Variants in STIM1 observed in about 807,000 individuals in gnomAD.
The protein encoded by STIM1 is stromal interaction molecule 1.
In STIM1, 25 loss-of-function variants were observed where a neutral mutation model predicts 74.7. That is an observed-to-expected ratio of 0.33 (90% CI 0.24 to 0.47). The LOEUF is 0.47. Ranked by LOEUF, STIM1 falls within the 20% of genes least tolerant of loss-of-function variation. The pLI is 1.00. For synonymous variants in STIM1, 328 were observed against 348.8 expected (o/e 0.94, Z 0.66); for missense variants, 728 against 920.8 (o/e 0.79, Z 2.71).
At chr11:3,913,301 C>T (rs2092594639) in intron 1 of STIM1, among the ~76,000 whole-genome samples, 2 of 151,994 alleles carry the variant, frequency 1.3e-5, no homozygotes, top group Non-Finnish European at 2.9e-5. Flanking sequence ...GATCCTCCTA[C>T]CTCAGCCTCC....
chr11:3,866,225 T>A (rs1449978603), intron 1 of STIM1, among the ~76,000 whole-genome samples: 1 of 152,190 alleles, frequency 6.6e-6, no homozygotes, highest in Non-Finnish European at 1.5e-5. Flanking sequence ...TGTTTTTACT[T>A]ATGTCATTTA....
At position 4,059,328 on chromosome 11, in the gene STIM1, C is replaced by T. The variant is rs750619379; in HGVS notation, c.545C>T (p.Thr182Ile). ...ATGACAGGGACTGTGCTGAAGATGA[C>T]AGACCGGAGTCATCGGCAGAAGCTG... is the stretch of plus-strand genomic sequence containing the variant. ...TTMTGTVLKM[T>I]DRSHRQKLQL... The change falls in exon 5 of 13, where the codon ACA (threonine) becomes ATA (isoleucine). Residue 182 changes from threonine to isoleucine, a missense_variant. Thr to Ile is a moderately conservative substitution (Grantham distance 89). Around this residue, in one of 5 missense-constraint regions of STIM1, gnomAD observed 132 missense variants for 158.2 expected, o/e 0.83. Transcript: ENST00000526596. 2.5e-6 allele frequency: 4 copies of T among 1,614,120 alleles called. No homozygotes were observed. The highest frequency in any genetic ancestry group is 1.3e-5 in the African/African-American group (1 of 75,028).
At chr11:3,983,261 T>G (rs1026646701) in intron 2 of STIM1, among the ~76,000 whole-genome samples, 6 of 152,128 alleles carry the variant, frequency 3.9e-5, no homozygotes, top group African/African-American at 1.4e-4. Flanking sequence ...TGCCTCCAAC[T>G]TTGATAGAGA....
At chr11:3,870,715 C>T (rs1431070809) in intron 1 of STIM1, among the ~76,000 whole-genome samples, 1 of 152,010 alleles carries the variant, frequency 6.6e-6, no homozygotes, top group Non-Finnish European at 1.5e-5. Flanking sequence ...CCAGGCTGGT[C>T]TGGAACTCCT....
rs1196072627 is a variant in STIM1 at position 3,855,824 on chromosome 11, C to T, written c.-447C>T. 1 of 203,064 alleles carries T rather than the reference C, an allele frequency of 4.9e-6. No homozygotes were observed. The highest frequency in any genetic ancestry group is 1.0e-5 in the Non-Finnish European group (1 of 96,654). 12.6% of individuals were successfully genotyped at this position (203,064 alleles called of 1,614,324 possible). On this transcript the variant is annotated 5_prime_UTR_variant, in exon 1 of 13. Transcript: ENST00000526596. ...CAGGACCCTGCGGGTCGCACGCCCT[C>T]CCCAGCTTCTGCTGCTCGCCGCTCT... is the stretch of plus-strand genomic sequence containing the variant.
chr11:4,061,943 G>C (rs749984424), intron 5 of STIM1, among the ~76,000 whole-genome samples: 5 of 152,166 alleles, frequency 3.3e-5, no homozygotes, highest in Non-Finnish European at 7.3e-5. Flanking sequence ...TAAATCCACA[G>C]AGACAGAATG....
chr11:3,893,680 G>A (rs965243223), intron 1 of STIM1, among the ~76,000 whole-genome samples: 10 of 148,572 alleles, frequency 6.7e-5, no homozygotes, highest in African/African-American at 7.4e-5. Flanking sequence ...ACAGAGTCTC[G>A]CTCTGTAGCC....
At chr11:4,086,205 C>T (rs1043454186) in intron 11 of STIM1, 10 of 523,218 alleles carry the variant, frequency 1.9e-5, no homozygotes, top group African/African-American at 1.9e-4. Flanking sequence ...TGTCTACCCA[C>T]TAACTGCCTT....
At chr11:4,065,508 T>A (rs1196911459) in intron 5 of STIM1, among the ~76,000 whole-genome samples, 1 of 151,960 alleles carries the variant, frequency 6.6e-6, no homozygotes, top group African/African-American at 2.4e-5. Context: ...TCTCTCTGCC[T>A]TTTATCCTTT....
intron 1 of STIM1, among the ~76,000 whole-genome samples, chr11:3,951,557 G>A (rs1370376993): frequency 6.6e-6 from 1 of 152,138 alleles, no homozygotes; most frequent in Non-Finnish European, 1.5e-5. Flanking sequence ...TGGTGTGCCT[G>A]GTTCCTCAGT....
At chr11:4,023,083 C>A (rs1006375745) in intron 2 of STIM1, among the ~76,000 whole-genome samples, 1 of 152,190 alleles carries the variant, frequency 6.6e-6, no homozygotes, top group Non-Finnish European at 1.5e-5. Context: ...GTAATCCTAG[C>A]ACTTTCGGAG....
chr11:3,887,969 CAA>C lies in STIM1; in HGVS notation c.139+31577_139+31578del, dbSNP rs71047183. The C allele has an allele frequency of 4.7e-3, 491 of 104,884 alleles. 5 individuals carry two copies. Among genetic ancestry groups the C allele is most frequent in the African/African-American group, 0.013 (413 of 30,820 alleles). 6.5% of individuals were successfully genotyped at this position (104,884 alleles called of 1,614,324 possible). On this transcript the variant is annotated intron_variant, in intron 1 of 12. Transcript: ENST00000526596. ...TGGGTGACAGAGTGAGACTCTGTCT[CAA>C]AAAAAAAAAAAAAAAATAGGACATC...
upstream of STIM1, chr11:3,855,053 G>A (rs950708644): frequency 6.6e-6 from 1 of 152,286 alleles, no homozygotes; most frequent in Non-Finnish European, 1.5e-5. Context: ...TTTCCCACCA[G>A]GGGCCGCTGC....
intron 2 of STIM1, among the ~76,000 whole-genome samples, chr11:4,011,552 A>G (rs1420489962): frequency 1.3e-5 from 2 of 151,924 alleles, no homozygotes; most frequent in Non-Finnish European, 2.9e-5. Context: ...CATATTCTTC[A>G]CCTACTTTTT....
chr11:3,973,073 T>A (rs927757747), intron 2 of STIM1: 1 of 442,854 alleles, frequency 2.3e-6, no homozygotes, highest in Non-Finnish European at 4.5e-6. Flanking sequence ...CTGCCCTGAT[T>A]TCCATAATCC....
chr11:4,005,414 G>A (rs2093768095), intron 2 of STIM1, among the ~76,000 whole-genome samples: 1 of 152,006 alleles, frequency 6.6e-6, no homozygotes, highest in South Asian at 2.1e-4. Context: ...TAAAAGATGA[G>A]TTCATCTCCT....
chr11:3,896,065 C>T (rs1248597909), intron 1 of STIM1, among the ~76,000 whole-genome samples: 2 of 151,724 alleles, frequency 1.3e-5, no homozygotes, highest in Non-Finnish European at 2.9e-5. Flanking sequence ...CCACCACACC[C>T]GGCTAATTTT....
chr11:3,942,835 G>T (rs2093027457), intron 1 of STIM1, among the ~76,000 whole-genome samples: 4 of 152,118 alleles, frequency 2.6e-5, no homozygotes, highest in African/African-American at 9.7e-5. Flanking sequence ...TGTGTTCCTG[G>T]TTGCTTTGGG....
intron 2 of STIM1, among the ~76,000 whole-genome samples, chr11:4,003,334 C>T (rs1375301632): frequency 1.3e-5 from 2 of 151,738 alleles, no homozygotes; most frequent in East Asian, 1.9e-4. Flanking sequence ...ATGCAAAAAT[C>T]CTCAGTAAAA....
Sources: allele counts gnomAD v4.1 joint callset (sites outside exome capture counted in the v4.1 genomes callset), GRCh38; gene constraint gnomAD v4.1.1; regional missense constraint gnomAD v4.1.1; transcripts MANE v1.5; gene names NCBI Gene and HGNC (gene_info 2026-07-23, HGNC 2026-07-21).